Variants in SHC3 observed in about 807,000 individuals in gnomAD.
SHC3 encodes the protein SHC adaptor protein 3.
A neutral mutation model predicts 60.4 loss-of-function variants in SHC3; 15 were observed. The ratio of observed to expected loss-of-function variants is 0.25; its 90% CI spans 0.17 to 0.38. The LOEUF (loss-of-function observed/expected upper bound fraction) is 0.38. Ranked by LOEUF, SHC3 falls within the 10% of genes least tolerant of loss-of-function variation. The pLI, the probability that SHC3 is intolerant of heterozygous loss-of-function variation, is 1.00. For synonymous variants in SHC3, 294 were observed against 325.9 expected (o/e 0.90, Z 1.05); for missense variants, 677 against 786.1 (o/e 0.86, Z 1.66).
Position 89,063,195 on chromosome 9 carries a change from T to A in SHC3, c.835+2334A>T, listed in dbSNP as rs1181247682. On this transcript the variant is annotated intron_variant, in intron 6 of 11. Coordinates refer to ENST00000375835, the MANE Select transcript of SHC3 (RefSeq NM_016848.6). ...GCCAGGCTGGAGTGCAGTGGTGCGA[T>A]CTCGGCTCACTGCAACCTCTGTGTC... Among the ~76,000 whole-genome samples the A allele has an allele frequency of 5.9e-5, 9 of 152,174 alleles. No individual in the cohort carries two copies. The East Asian group carries it at 1.7e-3, about 29-fold the overall frequency.
chr9:89,013,604 C>T (rs1826045925), intron 11 of SHC3, 29 bp from the exon 12 acceptor site: 1 of 1,600,052 alleles, frequency 6.2e-7, no homozygotes, highest in African/African-American at 1.3e-5. Flanking sequence ...AAAGGTTAAG[C>T]ACATCTCACA....
At chr9:89,129,589 TG>T (rs1303249765) in intron 1 of SHC3, among the ~76,000 whole-genome samples, 1 of 151,934 alleles carries the variant, frequency 6.6e-6, no homozygotes, top group Non-Finnish European at 1.5e-5. Context: ...CAGAAGAGAG[TG>T]GGGGCCAATA....
chr9:89,114,224 G>A (rs565682515), intron 1 of SHC3, among the ~76,000 whole-genome samples: 75 of 152,214 alleles, frequency 4.9e-4, no homozygotes, highest in African/African-American at 1.5e-3. Context: ...AGAGTTACAC[G>A]AACACTACCA....
chr9:89,081,447 A>AT (rs1472209209), intron 2 of SHC3, among the ~76,000 whole-genome samples: 7 of 152,122 alleles, frequency 4.6e-5, no homozygotes, highest in African/African-American at 9.7e-5. Context: ...TCAGTGCTCC[A>AT]TAATACCCTC....
At chr9:89,120,907 A>T (rs866758412) in intron 1 of SHC3, among the ~76,000 whole-genome samples, 43 of 151,816 alleles carry the variant, frequency 2.8e-4, no homozygotes, top group Non-Finnish European at 4.3e-4. Context: ...TATTTAAAAT[A>T]AAAATTAAAA....
At chr9:89,133,179 A>G (rs1826272513) in intron 1 of SHC3, among the ~76,000 whole-genome samples, 1 of 152,258 alleles carries the variant, frequency 6.6e-6, no homozygotes, top group Non-Finnish European at 1.5e-5. Flanking sequence ...ATCACTGGCC[A>G]TCAGAGAAAT....
chr9:89,082,635 G>A (rs1181430821), intron 2 of SHC3, among the ~76,000 whole-genome samples: 3 of 152,140 alleles, frequency 2.0e-5, no homozygotes, highest in Admixed American at 2.0e-4. Context: ...TTTAGGGTGA[G>A]GGTTGGGCAA....
chr9:89,140,658 C>A (rs1826380477), intron 1 of SHC3, among the ~76,000 whole-genome samples: 1 of 152,156 alleles, frequency 6.6e-6, no homozygotes, highest in Non-Finnish European at 1.5e-5. Flanking sequence ...CAAAACAGAA[C>A]AAAGCCTTAG....
At chr9:89,026,529 A>G (rs1826306422) in intron 11 of SHC3, among the ~76,000 whole-genome samples, 1 of 152,190 alleles carries the variant, frequency 6.6e-6, no homozygotes, top group African/African-American at 2.4e-5. Flanking sequence ...TACATCTTAC[A>G]TGTACGGATT....
rs1444468744 is a variant in SHC3, at chr9:89,178,105, G to T, written c.356C>A (p.Pro119Gln). 6.9e-6 allele frequency: 8 copies of T among 1,152,400 alleles called. No individual in the cohort carries two copies. Among genetic ancestry groups the T allele is most frequent in the Non-Finnish European group, 7.5e-6 (7 of 937,762 alleles). 71.4% of individuals were successfully genotyped at this position (1,152,400 alleles called of 1,614,324 possible). ...DGSAPSAPRA[P>Q]AMSAARKGRP... is the part of the protein sequence containing the mutation. ...GCCCTTCCTGGCGGCGCTCATGGCC[G>T]GGGCGCGGGGCGCCGAGGGCGCACT... The change falls in exon 1 of 12, where the codon CCG becomes CAG. Residue 119 changes from proline to glutamine, a missense_variant. Transcript: ENST00000375835. The surrounding 1 kb of genome is among the most constrained non-coding windows in gnomAD (Gnocchi z 6.9).
At chr9:89,086,152 G>T (rs984610287) in intron 2 of SHC3, among the ~76,000 whole-genome samples, 1 of 152,150 alleles carries the variant, frequency 6.6e-6, no homozygotes, top group Non-Finnish European at 1.5e-5. Context: ...TCACACCACC[G>T]CTTGAACAAG....
At chr9:89,176,025 T>C (rs961706848) in intron 1 of SHC3, among the ~76,000 whole-genome samples, 18 of 152,210 alleles carry the variant, frequency 1.2e-4, no homozygotes, top group Admixed American at 1.0e-3. Context: ...GGACAATGCC[T>C]GCGTTTATGT....
At chr9:89,095,332 C>T (rs1249612182) in intron 2 of SHC3, among the ~76,000 whole-genome samples, 2 of 152,084 alleles carry the variant, frequency 1.3e-5, no homozygotes, top group Non-Finnish European at 2.9e-5. Context: ...GGATATTATG[C>T]GAACAGAAAT....
Position 89,014,968 on chromosome 9 carries a change from C to G in SHC3, c.1657-1393G>C, listed in dbSNP as rs149658310. Among the ~76,000 whole-genome samples the G allele has an allele frequency of 9.5e-3, 1,441 of 152,330 alleles. 24 individuals carry two copies. The highest frequency in any genetic ancestry group is 0.033 in the African/African-American group (1,353 of 41,570). On this transcript the variant is annotated intron_variant, in intron 11 of 11. Coordinates refer to ENST00000375835, the MANE Select transcript of SHC3 (RefSeq NM_016848.6). Reference sequence around the variant, plus strand: ...TCCCCCTGCAGGAACCCTCTCCCCCCATCTCTGTAAGCACCAGAGGGAGAA... The same window carrying G: ...TCCCCCTGCAGGAACCCTCTCCCCCGATCTCTGTAAGCACCAGAGGGAGAA...
intron 8 of SHC3, 37 bp downstream of exon 8, chr9:89,046,806 CT>C (rs752680824): frequency 4.1e-6 from 6 of 1,462,614 alleles, no homozygotes; most frequent in Non-Finnish European, 5.4e-6. Context: ...TAGAGTTAGC[CT>C]CCATTCCTTA....
At position 89,008,521 on chromosome 9, in the gene SHC3, G is replaced by T. The variant is rs757067451; in HGVS notation, c.*4926C>A. 10 of 152,166 alleles carry T rather than the reference G, an allele frequency of 6.6e-5. No individual in the cohort carries two copies. Among genetic ancestry groups the T allele is most frequent in the African/African-American group, 1.9e-4 (8 of 41,432 alleles). The allele number at this position is 152,166 out of a possible 1,614,324, so 9.4% of individuals were successfully genotyped here. On this transcript the variant is annotated 3_prime_UTR_variant, in exon 12 of 12. Coordinates refer to ENST00000375835, the MANE Select transcript of SHC3 (RefSeq NM_016848.6). ...GAGTCAGGAACTTGGCGGGGCCAGG[G>T]GGGTGGAAGGGCCTGCAATCTTTGT...
intron 1 of SHC3, among the ~76,000 whole-genome samples, chr9:89,139,171 A>G (rs1826358673): frequency 6.6e-6 from 1 of 152,190 alleles, no homozygotes; most frequent in African/African-American, 2.4e-5. Context: ...TTTTTACATT[A>G]CCCATCCCTC....
At chr9:89,172,703 T>C (rs1251124706) in intron 1 of SHC3, among the ~76,000 whole-genome samples, 2 of 152,240 alleles carry the variant, frequency 1.3e-5, no homozygotes, top group Admixed American at 6.5e-5. Context: ...AGAACTCTTA[T>C]GATAAATTGC....
At chr9:89,013,935 G>T (rs192248818) in intron 11 of SHC3, among the ~76,000 whole-genome samples, 240 of 152,266 alleles carry the variant, frequency 1.6e-3, no homozygotes, top group Non-Finnish European at 2.4e-3. Flanking sequence ...GGATAGCCCT[G>T]AACTGGGCTC....
Sources: allele counts gnomAD v4.1 joint callset (sites outside exome capture counted in the v4.1 genomes callset), GRCh38; gene constraint gnomAD v4.1.1; non-coding constraint Gnocchi (gnomAD v3.1); transcripts MANE v1.5; gene names NCBI Gene and HGNC (gene_info 2026-07-23, HGNC 2026-07-21).